TCF4: variants seen among roughly 807,000 people sequenced by gnomAD.
TCF4 encodes SL3-3 enhancer factor 2.
TCF4 carries 3 observed loss-of-function variants against 82.1 expected under a neutral mutation model. The ratio of observed to expected loss-of-function variants is 0.04; its 90% confidence interval spans 0.02 to 0.09. The LOEUF (loss-of-function observed/expected upper bound fraction) is 0.09, where lower values mean the gene tolerates loss of function less well. Among genes scored for constraint, TCF4 ranks in the 10% least tolerant of loss-of-function variants. TCF4 has a pLI of 1.00. For synonymous variants in TCF4, 276 were observed against 309.6 expected, an observed-to-expected ratio of 0.89 and a Z score of 1.14; for missense variants, 518 against 852.7, an observed-to-expected ratio of 0.61 and a Z score of 4.89.
intron 8 of TCF4, among the ~76,000 whole-genome samples, chr18:55,311,861 TAATA>T (rs1372299816): frequency 2.0e-5 from 3 of 152,214 alleles, no homozygotes; most frequent in Non-Finnish European, 4.4e-5. Flanking sequence ...CAAGTTTGAG[TAATA>T]AATAATTGGC....
intron 3 of TCF4, among the ~76,000 whole-genome samples, chr18:55,540,568 T>C (rs1449084663): frequency 1.3e-5 from 2 of 152,042 alleles, no homozygotes; most frequent in East Asian, 1.9e-4. Flanking sequence ...TGAGGAGTTA[T>C]AAAAAACATT....
At chr18:55,546,797 A>G (rs2097211021) in intron 3 of TCF4, 1 of 152,242 alleles carries the variant, frequency 6.6e-6, no homozygotes, top group Non-Finnish European at 1.5e-5. Context: ...ATATATCAAC[A>G]CAGGCTTTAC....
chr18:55,463,982 G>C lies in TCF4; in HGVS notation c.207+94C>G, dbSNP rs549984245. 0.014 allele frequency: 12,078 copies of C among 864,176 alleles called. 78 individuals are homozygous for C. Among genetic ancestry groups the C allele is most frequent in the South Asian group, 0.08 (4,259 of 53,526 alleles). 53.5% of individuals were successfully genotyped at this position (864,176 alleles called of 1,614,324 possible). A position where few individuals can be genotyped will look rare whatever the true frequency, so the allele number is the denominator to read the frequency against. ...TGTGTGTGTGTGTGTGTGTGTGAGAGAGAGAGAGAGAGAGAGAGAGAAACA... is the reference window on the plus strand; with the variant it reads ...TGTGTGTGTGTGTGTGTGTGTGAGACAGAGAGAGAGAGAGAGAGAGAAACA... On this transcript the variant is annotated intron_variant, in intron 4 of 19. Coordinates refer to ENST00000354452, the MANE Select transcript of TCF4 (RefSeq NM_001083962.2).
intron 3 of TCF4, among the ~76,000 whole-genome samples, chr18:55,465,511 T>C (rs557493944): frequency 6.6e-6 from 1 of 152,118 alleles, no homozygotes; most frequent in African/African-American, 2.4e-5. Context: ...CTATGGACAG[T>C]TTAAATCAGT....
At chr18:55,431,522 C>A (rs541964053) in intron 5 of TCF4, among the ~76,000 whole-genome samples, 1 of 152,140 alleles carries the variant, frequency 6.6e-6, no homozygotes, top group Admixed American at 6.5e-5. Flanking sequence ...TCAGGTGATC[C>A]GCCCACCTCA....
At chr18:55,502,430 T>G (rs1040328728) in intron 3 of TCF4, among the ~76,000 whole-genome samples, 2 of 152,196 alleles carry the variant, frequency 1.3e-5, no homozygotes, top group African/African-American at 4.8e-5. Flanking sequence ...ATTTGTATTC[T>G]CATGACATTT....
intron 1 of TCF4, among the ~76,000 whole-genome samples, chr18:55,632,333 C>T (rs1331565063): frequency 2.0e-5 from 3 of 152,302 alleles, no homozygotes; most frequent in Middle Eastern, 3.4e-3. Context: ...CCACCGCGCC[C>T]GGCCAACAGT....
chr18:55,374,183 TA>T (rs913666228), intron 6 of TCF4, among the ~76,000 whole-genome samples: 1 of 152,028 alleles, frequency 6.6e-6, no homozygotes, highest in African/African-American at 2.4e-5. Flanking sequence ...ATAATGGCCT[TA>T]AATTGCAAGA....
chr18:55,401,162 C>T (rs1422438544), intron 6 of TCF4: 1 of 1,277,856 alleles, frequency 7.8e-7, no homozygotes, highest in Non-Finnish European at 1.0e-6. Flanking sequence ...CTGGAAGACA[C>T]ACTATGGTCT....
intron 2 of TCF4, among the ~76,000 whole-genome samples, chr18:55,603,411 T>A (rs993860430): frequency 3.3e-5 from 5 of 152,206 alleles, no homozygotes; most frequent in African/African-American, 1.2e-4. Context: ...AAAGAGCTCA[T>A]GTATTCGTAC....
chr18:55,551,512 C>T (rs2147144140), intron 3 of TCF4: 1 of 152,632 alleles, frequency 6.6e-6, no homozygotes, highest in East Asian at 1.9e-4. Flanking sequence ...AACGGCCTGA[C>T]TCCGGAACCG....
intron 8 of TCF4, among the ~76,000 whole-genome samples, chr18:55,286,531 T>G (rs1365045152): frequency 2.0e-5 from 3 of 152,206 alleles, no homozygotes; most frequent in Non-Finnish European, 4.4e-5. Flanking sequence ...AAGTCTTTCC[T>G]AAGTAGCTAA....
At chr18:55,277,411 C>T (rs914848997) in intron 9 of TCF4, among the ~76,000 whole-genome samples, 2 of 152,072 alleles carry the variant, frequency 1.3e-5, no homozygotes, top group Admixed American at 1.3e-4. Context: ...GGTGGCAATG[C>T]GTTTAGGACT....
At chr18:55,407,649 TAAAA>T (rs60748072) in intron 5 of TCF4, among the ~76,000 whole-genome samples, 15 of 132,670 alleles carry the variant, frequency 1.1e-4, no homozygotes, top group Non-Finnish European at 1.2e-4. Context: ...AACTTCCATA[TAAAA>T]AAAAAAAAAA....
chr18:55,343,312 C>T (rs1203756962), intron 8 of TCF4, among the ~76,000 whole-genome samples: 2 of 152,048 alleles, frequency 1.3e-5, no homozygotes, highest in Admixed American at 1.3e-4. Context: ...ACGAAATGTT[C>T]CTATTTCCTG....
rs369444573 is a variant in TCF4, at chr18:55,223,709, CTT to C, written c.*4324_*4325del. On this transcript the variant is annotated 3_prime_UTR_variant, in exon 20 of 20. Coordinates refer to ENST00000354452, the MANE Select transcript of TCF4 (RefSeq NM_001083962.2). The stretch of plus-strand genomic sequence containing the variant: ...TTTTTTTTTTTTTGAAATGTTTTCC[CTT>C]TTTTTTTTTTTAACAATTTTTTTAA... The C allele has an allele frequency of 1.4e-3, 145 of 106,466 alleles. No homozygotes were observed. The highest frequency in any genetic ancestry group is 4.5e-3 in the African/African-American group (112 of 24,708). 6.6% of individuals were successfully genotyped at this position (106,466 alleles called of 1,614,324 possible). A position where few individuals can be genotyped will look rare whatever the true frequency, so the allele number is the denominator to read the frequency against.
At chr18:55,455,938 A>C (rs1328964160) in intron 5 of TCF4, among the ~76,000 whole-genome samples, 2 of 152,224 alleles carry the variant, frequency 1.3e-5, no homozygotes, top group Non-Finnish European at 2.9e-5. Flanking sequence ...TTTTACAATG[A>C]AGAGTAAAAC....
intron 8 of TCF4, among the ~76,000 whole-genome samples, chr18:55,286,626 C>T (rs189074806): frequency 2.0e-5 from 3 of 152,266 alleles, no homozygotes; most frequent in East Asian, 1.9e-4. Flanking sequence ...CACTGTAAGG[C>T]GTCAAGGCAG....
intron 8 of TCF4, among the ~76,000 whole-genome samples, chr18:55,289,879 T>C (rs2064616316): frequency 6.6e-6 from 1 of 150,446 alleles, no homozygotes; most frequent in Non-Finnish European, 1.5e-5. Flanking sequence ...AAAAAGGCAT[T>C]ACCAAAAAAA....
Sources: allele counts gnomAD v4.1 joint callset (sites outside exome capture counted in the v4.1 genomes callset), GRCh38; gene constraint gnomAD v4.1.1; transcripts MANE v1.5; gene names NCBI Gene and HGNC (gene_info 2026-07-23, HGNC 2026-07-21).